The following GRIP2 variants were observed in gnomAD, a reference collection of about 807,000 sequenced individuals.
GRIP2 encodes the protein glutamate receptor interacting protein 2, also known as glutamate receptor-interacting protein 2.
GRIP2 carries 58 observed loss-of-function variants against 108.3 expected under a neutral mutation model. The observed-to-expected ratio is 0.54, with a 90% confidence interval of 0.43 to 0.67. GRIP2 has a LOEUF of 0.67. Among genes scored for constraint, GRIP2 ranks in the 30% least tolerant of loss-of-function variants. The pLI is 0.00. For synonymous variants in GRIP2, 586 were observed against 598.2 expected (o/e 0.98, Z 0.30); for missense variants, 1,278 against 1,430.6 (o/e 0.89, Z 1.72).
intron 1 of GRIP2, among the ~76,000 whole-genome samples, chr3:14,552,598 G>T (rs1379386449): frequency 1.3e-5 from 2 of 148,906 alleles, no homozygotes; most frequent in Non-Finnish European, 1.5e-5. Context: ...GTAGACCACA[G>T]CCAGAGCTTA....
chr3:14,552,330 G>A (rs140753513), intron 1 of GRIP2, among the ~76,000 whole-genome samples: 255 of 152,334 alleles, frequency 1.7e-3, no homozygotes, highest in Non-Finnish European at 3.1e-3. Flanking sequence ...CATGCACCAC[G>A]GAGTGGGCAC....
the GRIP2 span, among the ~76,000 whole-genome samples, chr3:14,572,368 C>T: frequency 1.3e-5 from 2 of 151,212 alleles, no homozygotes; most frequent in African/African-American, 4.9e-5. Context: ...AATCCCAGCA[C>T]TTTGGGAGGC....
the GRIP2 span, among the ~76,000 whole-genome samples, chr3:14,564,035 C>G: frequency 2.0e-5 from 3 of 152,206 alleles, no homozygotes; most frequent in South Asian, 6.2e-4. Context: ...GAGGAAGCAG[C>G]CCCAAGGGAG....
At chr3:14,542,022 A>G, upstream of GRIP2, 1 of 1,352,666 alleles carries the variant, frequency 7.4e-7, no homozygotes, top group Non-Finnish European at 9.9e-7. Context: ...ACAGATCCTC[A>G]CCCCACTCGC....
the GRIP2 span, among the ~76,000 whole-genome samples, chr3:14,590,471 T>C: frequency 6.6e-6 from 1 of 152,096 alleles, no homozygotes; most frequent in African/African-American, 2.4e-5. Context: ...CATCTGCATT[T>C]GGACTTTTTC....
chr3:14,543,107 C>G (rs183134824), upstream of GRIP2, among the ~76,000 whole-genome samples: 7 of 152,262 alleles, frequency 4.6e-5, no homozygotes, highest in African/African-American at 1.7e-4. Flanking sequence ...GCGTGTGAGT[C>G]CATGGCCGAA....
At chr3:14,564,524 C>T in the GRIP2 span, among the ~76,000 whole-genome samples, 31 of 152,248 alleles carry the variant, frequency 2.0e-4, no homozygotes, top group Admixed American at 2.0e-4. Flanking sequence ...GCTTAGCCAT[C>T]CCTAAAGTCA....
intron 1 of GRIP2, among the ~76,000 whole-genome samples, chr3:14,539,768 G>A (rs967576460): frequency 1.3e-5 from 2 of 152,044 alleles, no homozygotes; most frequent in Admixed American, 6.5e-5. Context: ...AGAGCCCCAG[G>A]GGCTCACCAG....
chr3:14,518,987 C>A (rs541957564), intron 9 of GRIP2, among the ~76,000 whole-genome samples: 5 of 152,320 alleles, frequency 3.3e-5, no homozygotes, highest in Admixed American at 2.6e-4. Context: ...AGATGTGTAG[C>A]CTTGCAACGC....
chr3:14,555,763 G>GGA, intron 1 of GRIP2: 1 of 398,896 alleles, frequency 2.5e-6, no homozygotes, highest in Non-Finnish European at 4.4e-6. Context: ...AGACACGGAG[G>GGA]GAGAGAGAGA....
Position 14,512,670 on chromosome 3 carries a change from C to T in GRIP2, c.1720+107G>A, listed in dbSNP as rs555240185. 1,361 of 1,071,678 alleles carry T rather than the reference C, an allele frequency of 1.3e-3. 28 individuals are homozygous for T. The South Asian group carries it at 0.019, about 15-fold the overall frequency. 66.4% of individuals were successfully genotyped at this position (1,071,678 alleles called of 1,614,324 possible). Reference sequence around the variant, plus strand: ...ACACCCCCAAGCCTTTTCCTCGGGCCCCGCAGGGTGTCACGCCATGGAAAT... The same window carrying T: ...ACACCCCCAAGCCTTTTCCTCGGGCTCCGCAGGGTGTCACGCCATGGAAAT... On this transcript the variant is annotated intron_variant, in intron 14 of 23. Coordinates refer to ENST00000621039, the MANE Select transcript of GRIP2 (RefSeq NM_001080423.4). This position sits in a 1 kb window ranked among gnomAD's most constrained non-coding sequence, Gnocchi z 5.1.
At chr3:14,591,942 C>T in the GRIP2 span, among the ~76,000 whole-genome samples, 4 of 152,230 alleles carry the variant, frequency 2.6e-5, no homozygotes, top group African/African-American at 9.6e-5. Flanking sequence ...GCCTCTGTAT[C>T]CACATCTGTC....
upstream of GRIP2, among the ~76,000 whole-genome samples, chr3:14,544,803 A>C (rs758389274): frequency 1.2e-4 from 18 of 152,262 alleles, no homozygotes; most frequent in Middle Eastern, 3.4e-3. Flanking sequence ...CATTTTATAG[A>C]TGGGGAAACT....
upstream of GRIP2, among the ~76,000 whole-genome samples, chr3:14,556,737 C>T (rs111232171): frequency 4.5e-4 from 68 of 152,352 alleles, no homozygotes; most frequent in African/African-American, 1.5e-3. Context: ...AAAACGCATC[C>T]AGCATCCCTT....
intron 1 of GRIP2, chr3:14,530,902 A>T (rs373263800): frequency 1.3e-5 from 2 of 152,342 alleles, no homozygotes; most frequent in East Asian, 3.9e-4. Flanking sequence ...TTAAATGTAC[A>T]ATTACATCAT....
At chr3:14,583,231 C>T in the GRIP2 span, among the ~76,000 whole-genome samples, 165 of 152,246 alleles carry the variant, frequency 1.1e-3, 1 homozygote, top group African/African-American at 3.8e-3. Context: ...GCAGGAGAGA[C>T]TGACTGTAGT....
upstream of GRIP2, among the ~76,000 whole-genome samples, chr3:14,558,583 CAG>C (rs2124989053): frequency 6.6e-6 from 1 of 152,258 alleles, no homozygotes; most frequent in Non-Finnish European, 1.5e-5. Context: ...GCGGGAGAGG[CAG>C]AGTTCCGACC....
At chr3:14,502,368 C>G (rs913682627) in intron 21 of GRIP2, among the ~76,000 whole-genome samples, 7 of 152,126 alleles carry the variant, frequency 4.6e-5, no homozygotes, top group Non-Finnish European at 8.8e-5. Context: ...GTGGCACATA[C>G]CTTTAATCCC....
upstream of GRIP2, among the ~76,000 whole-genome samples, chr3:14,559,894 G>T (rs1218727817): frequency 6.6e-6 from 1 of 152,156 alleles, no homozygotes; most frequent in Non-Finnish European, 1.5e-5. Flanking sequence ...CATAACTCCA[G>T]CCCCATCCCT....
Sources: allele counts gnomAD v4.1 joint callset (sites outside exome capture counted in the v4.1 genomes callset), GRCh38; gene constraint gnomAD v4.1.1; non-coding constraint Gnocchi (gnomAD v3.1); transcripts MANE v1.5; gene names NCBI Gene and HGNC (gene_info 2026-07-23, HGNC 2026-07-21).